The following WWOX variants were observed in gnomAD, a reference collection of about 807,000 sequenced individuals.
WWOX encodes WW domain-containing oxidoreductase.
WWOX carries 69 observed loss-of-function variants against 46.2 expected under a neutral mutation model. The ratio of observed to expected loss-of-function variants is 1.49; its 90% confidence interval spans 1.23 to 1.82. WWOX has a LOEUF of 1.82. Ranked by LOEUF, WWOX falls within the 40% of genes most tolerant of loss-of-function variation. The pLI, the probability that WWOX is intolerant of heterozygous loss-of-function variation, is 0.00. For missense variants in WWOX, 919 were observed against 542.6 expected, an observed-to-expected ratio of 1.69 and a Z score of -6.89; for synonymous variants, 359 against 202.6, an observed-to-expected ratio of 1.77 and a Z score of -6.56.
At chr16:78,574,069 C>A (rs998053940) in intron 8 of WWOX, among the ~76,000 whole-genome samples, 2 of 152,166 alleles carry the variant, frequency 1.3e-5, no homozygotes, top group East Asian at 1.9e-4. Flanking sequence ...CTTTTTGACT[C>A]GGCCTGGCTT....
intron 8 of WWOX, among the ~76,000 whole-genome samples, chr16:79,173,270 G>T (rs2050736481): frequency 6.8e-6 from 1 of 146,702 alleles, no homozygotes; most frequent in Admixed American, 7.0e-5. Flanking sequence ...TCCACAGGAA[G>T]GGAACCCTGC....
intron 5 of WWOX, among the ~76,000 whole-genome samples, chr16:78,305,834 A>G (rs1019767418): frequency 3.9e-5 from 6 of 152,184 alleles, no homozygotes; most frequent in East Asian, 1.9e-4. Context: ...CAACATTGCC[A>G]TAACCAGTAG....
intron 8 of WWOX, among the ~76,000 whole-genome samples, chr16:78,882,921 C>A (rs907571183): frequency 7.9e-5 from 12 of 151,818 alleles, no homozygotes; most frequent in Non-Finnish European, 1.0e-4. Context: ...CATAGCCTGT[C>A]TTCCAGGAAC....
At chr16:78,172,577 C>T (rs1296651852) in intron 5 of WWOX, among the ~76,000 whole-genome samples, 1 of 150,172 alleles carries the variant, frequency 6.7e-6, no homozygotes, top group Non-Finnish European at 1.5e-5. Flanking sequence ...TGATCATTGT[C>T]TTTGTGTCTT....
chr16:78,584,885 T>G (rs1353374081), intron 8 of WWOX, among the ~76,000 whole-genome samples: 3 of 152,196 alleles, frequency 2.0e-5, no homozygotes, highest in African/African-American at 7.2e-5. Flanking sequence ...CTCAAAACAT[T>G]TGAGAGAATT....
intron 8 of WWOX, among the ~76,000 whole-genome samples, chr16:78,676,403 A>AT (rs4035810): frequency 0.2 from 27,944 of 140,212 alleles, 2,701 homozygotes; most frequent in East Asian, 0.21. Flanking sequence ...CATATTTACT[A>AT]TTTTTTTTTT....
At chr16:78,769,817 G>A (rs2050020205) in intron 8 of WWOX, among the ~76,000 whole-genome samples, 1 of 150,322 alleles carries the variant, frequency 6.7e-6, no homozygotes, top group Non-Finnish European at 1.5e-5. Flanking sequence ...GATCAGTGTG[G>A]ACAACATAGG....
At chr16:78,214,147 C>G (rs1196166720) in intron 5 of WWOX, among the ~76,000 whole-genome samples, 1 of 152,174 alleles carries the variant, frequency 6.6e-6, no homozygotes, top group African/African-American at 2.4e-5. Context: ...ACATTGCAGA[C>G]TGACCCCCTG....
At chr16:78,974,996 A>C (rs1378086595) in intron 8 of WWOX, among the ~76,000 whole-genome samples, 2 of 152,296 alleles carry the variant, frequency 1.3e-5, no homozygotes, top group South Asian at 2.1e-4. Context: ...GGGACTCCCC[A>C]GCCCCTCTTC....
rs111335320 is a variant in WWOX, at chr16:78,953,939, A to C, written c.1057-257669A>C. 1.1e-3 allele frequency among the ~76,000 whole-genome samples: 161 copies of C among 152,318 alleles called. 2 individuals are homozygous for C. Among genetic ancestry groups the C allele is most frequent in the African/African-American group, 3.8e-3 (156 of 41,572 alleles). ...ATTAATTACTTCAGTAGTCATTTAC[A>C]AAATGCTGCTGAATCCAAGTCCCTG... On this transcript the variant is annotated intron_variant, in intron 8 of 8. Coordinates refer to ENST00000566780, the MANE Select transcript of WWOX (RefSeq NM_016373.4).
chr16:79,157,458 C>A (rs1377730046), intron 8 of WWOX, among the ~76,000 whole-genome samples: 2 of 151,158 alleles, frequency 1.3e-5, no homozygotes, highest in East Asian at 3.9e-4. Flanking sequence ...CAAAACCATA[C>A]CTTCTTTGCA....
At chr16:78,781,160 C>A (rs540564862) in intron 8 of WWOX, among the ~76,000 whole-genome samples, 11 of 152,178 alleles carry the variant, frequency 7.2e-5, no homozygotes, top group African/African-American at 2.7e-4. Flanking sequence ...GACACATTCA[C>A]CACAACTGAA....
chr16:78,800,881 G>C (rs1359421403), intron 8 of WWOX, among the ~76,000 whole-genome samples: 1 of 151,990 alleles, frequency 6.6e-6, no homozygotes, highest in Admixed American at 6.6e-5. Context: ...TGATAGTTTA[G>C]AAAGCTTTTG....
chr16:78,444,533 T>TC, intron 8 of WWOX, among the ~76,000 whole-genome samples: 1 of 92,616 alleles, frequency 1.1e-5, no homozygotes, highest in Admixed American at 9.9e-5. Flanking sequence ...GGAGCAATTC[T>TC]TTTTTTTTTT....
intron 8 of WWOX, among the ~76,000 whole-genome samples, chr16:78,597,996 C>T (rs531191317): frequency 6.6e-6 from 1 of 152,126 alleles, no homozygotes; most frequent in African/African-American, 2.4e-5. Context: ...TTTTCAGCCT[C>T]TGCTTATTAG....
chr16:78,560,174 G>T (rs1597267242), intron 8 of WWOX, among the ~76,000 whole-genome samples: 2 of 152,110 alleles, frequency 1.3e-5, no homozygotes, highest in East Asian at 3.9e-4. Flanking sequence ...CCAGCTAGTA[G>T]CTCAGAATAA....
intron 8 of WWOX, among the ~76,000 whole-genome samples, chr16:78,700,617 C>T (rs1343333776): frequency 2.6e-5 from 4 of 152,200 alleles, no homozygotes; most frequent in East Asian, 1.9e-4. Flanking sequence ...CTGTTACCTC[C>T]TGTCATAGGA....
rs933109842 is a variant in WWOX, at chr16:78,338,568, A to T, written c.517-48292A>T. Among the ~76,000 whole-genome samples, 11 of 120,738 alleles carry T rather than the reference A, an allele frequency of 9.1e-5. 4 individuals are homozygous for T. Among genetic ancestry groups the T allele is most frequent in the Non-Finnish European group, 2.2e-4 (11 of 50,616 alleles). 79.2% of individuals were successfully genotyped at this position (120,738 alleles called of 152,430 possible). On this transcript the variant is annotated intron_variant, in intron 5 of 8. Coordinates refer to ENST00000566780, the MANE Select transcript of WWOX (RefSeq NM_016373.4). ...AACCAGAGAATTGTTCAAGGCAGAG[A>T]ATTATTTTTTCAATGCCTATTTTCT...
intron 5 of WWOX, among the ~76,000 whole-genome samples, chr16:78,380,158 C>A (rs1382576494): frequency 6.6e-6 from 1 of 152,084 alleles, no homozygotes; most frequent in Non-Finnish European, 1.5e-5. Flanking sequence ...CAGCATGAGG[C>A]AGTTACAGAT....
Sources: allele counts gnomAD v4.1 joint callset (sites outside exome capture counted in the v4.1 genomes callset), GRCh38; gene constraint gnomAD v4.1.1; transcripts MANE v1.5; gene names NCBI Gene and HGNC (gene_info 2026-07-23, HGNC 2026-07-21).